OSBPL10: variants seen among roughly 807,000 people sequenced by gnomAD.
OSBPL10 encodes the protein oxysterol binding protein like 10, also known as oxysterol-binding protein-related protein 10.
Under a neutral mutation model 81.7 loss-of-function variants are expected in OSBPL10, and 49 were observed. That is an observed-to-expected ratio of 0.60 (90% CI 0.48 to 0.76). The LOEUF is 0.76. Ranked by LOEUF, OSBPL10 falls within the 30% of genes least tolerant of loss-of-function variation. The pLI is 0.00. For missense variants in OSBPL10, 923 were observed against 987.8 expected (o/e 0.93, Z 0.88); for synonymous variants, 419 against 383.6 (o/e 1.09, Z -1.08).
At chr3:31,974,346 T>G (rs1467489672) in intron 1 of OSBPL10, among the ~76,000 whole-genome samples, 1 of 152,198 alleles carries the variant, frequency 6.6e-6, no homozygotes, top group Non-Finnish European at 1.5e-5. Context: ...TGGAAAACTC[T>G]CTGCTAGTAT....
chr3:31,662,402 A>C (rs531786601), intron 11 of OSBPL10: 52 of 1,157,930 alleles, frequency 4.5e-5, no homozygotes, highest in Non-Finnish European at 5.0e-5. Flanking sequence ...CAAAAAAAAG[A>C]AGCACTTTGA....
chr3:32,028,662 G>C (rs1575088387), intron 2 of OSBPL10, among the ~76,000 whole-genome samples: 1 of 152,094 alleles, frequency 6.6e-6, no homozygotes, highest in Admixed American at 6.6e-5. Flanking sequence ...TCTTTAAGGA[G>C]TTTGGAAACT....
intron 1 of OSBPL10, among the ~76,000 whole-genome samples, chr3:31,955,205 C>T (rs899642206): frequency 2.0e-5 from 3 of 152,196 alleles, no homozygotes; most frequent in African/African-American, 7.2e-5. Flanking sequence ...AACAGTAATA[C>T]AGTAATAATT....
rs528073433 is a variant in OSBPL10 at position 31,663,436 on chromosome 3, TCA to T, written c.2250+641_2250+642del. ...ATTTTCATAATTTCCAATTCTGTTC[TCA>T]GAGTGCTTCCCAATCCCTCCACAAC... On this transcript the variant is annotated intron_variant, in intron 11 of 11. Transcript: ENST00000396556. 12 of 987,650 alleles carry T rather than the reference TCA, an allele frequency of 1.2e-5. No individual in the cohort carries two copies. The East Asian group carries it at 5.7e-4, about 47-fold the overall frequency. 61.2% of individuals were successfully genotyped at this position (987,650 alleles called of 1,614,324 possible).
At chr3:31,919,794 T>C (rs982411982) in intron 1 of OSBPL10, among the ~76,000 whole-genome samples, 1 of 152,212 alleles carries the variant, frequency 6.6e-6, no homozygotes, top group Non-Finnish European at 1.5e-5. Flanking sequence ...AAACAGGAAG[T>C]ACAACACAGG....
rs567040613 is a variant in OSBPL10 at position 31,733,160 on chromosome 3, TAAAAC to T, written c.1095+92_1095+96del. ...TTCCATTTTTTAATTTGTCTCCTCT[TAAAAC>T]AAAGAGATGAGCAAGTTACAAATAT... is the stretch of plus-strand genomic sequence containing the variant. On this transcript the variant is annotated intron_variant, in intron 6 of 11. Coordinates refer to ENST00000396556, the MANE Select transcript of OSBPL10 (RefSeq NM_017784.5). The T allele has an allele frequency of 7.7e-4, 1,175 of 1,522,716 alleles. 8 individuals carry two copies. In the African/African-American group the frequency reaches 0.015, roughly 19 times the overall value. The allele number at this position is 1,522,716 out of a possible 1,614,324, so 94.3% of individuals were successfully genotyped here.
chr3:31,689,279 C>A (rs1383770096), intron 7 of OSBPL10, among the ~76,000 whole-genome samples: 3 of 152,092 alleles, frequency 2.0e-5, no homozygotes, highest in African/African-American at 7.2e-5. Context: ...TGACCAAATG[C>A]AACATAATCT....
At chr3:31,725,907 G>T (rs1696794434) in intron 6 of OSBPL10, among the ~76,000 whole-genome samples, 1 of 152,182 alleles carries the variant, frequency 6.6e-6, no homozygotes, top group Non-Finnish European at 1.5e-5. Context: ...ATACTCTGGA[G>T]TTTCCAGAGA....
chr3:32,054,354 T>A (rs1701508392), intron 1 of OSBPL10, among the ~76,000 whole-genome samples: 1 of 152,142 alleles, frequency 6.6e-6, no homozygotes, highest in Admixed American at 6.6e-5. Context: ...AAATATGAAA[T>A]GGTATTTGAC....
At chr3:32,040,779 G>A (rs1267832424) in intron 2 of OSBPL10, among the ~76,000 whole-genome samples, 2 of 152,174 alleles carry the variant, frequency 1.3e-5, no homozygotes, top group Non-Finnish European at 2.9e-5. Flanking sequence ...CAAGGCTGCA[G>A]TGAGCTATAA....
intron 5 of OSBPL10, among the ~76,000 whole-genome samples, chr3:31,736,491 G>C (rs1697178424): frequency 6.6e-6 from 1 of 152,140 alleles, no homozygotes; most frequent in African/African-American, 2.4e-5. Context: ...CAGGATTCAA[G>C]ACACTAGAAT....
intron 2 of OSBPL10, among the ~76,000 whole-genome samples, chr3:32,027,813 G>C (rs771129340): frequency 6.6e-6 from 1 of 152,126 alleles, no homozygotes; most frequent in Non-Finnish European, 1.5e-5. Context: ...TTAGGGGCAG[G>C]GGTGTTCAGA....
chr3:31,961,047 C>CTTTTTTTTTTTTTTTTTTTTTTTT (rs35027814), intron 1 of OSBPL10, among the ~76,000 whole-genome samples: 1 of 113,024 alleles, frequency 8.8e-6, no homozygotes, highest in Non-Finnish European at 1.8e-5. Context: ...AAGCTACAGC[C>CTTTTTTTTTTTTTTTTTTTTTTTT]TTTTTTTTTT....
intron 4 of OSBPL10, among the ~76,000 whole-genome samples, chr3:31,767,872 G>A (rs1339290473): frequency 1.3e-5 from 2 of 152,162 alleles, no homozygotes; most frequent in African/African-American, 4.8e-5. Flanking sequence ...CAGCCTGGGA[G>A]GTCACATGGG....
chr3:31,872,450 TTG>T (rs1210214832), intron 3 of OSBPL10, among the ~76,000 whole-genome samples: 52 of 137,144 alleles, frequency 3.8e-4, no homozygotes, highest in African/African-American at 1.5e-3. Flanking sequence ...GTTTTTGTTG[TTG>T]TTTTTTTTTT....
chr3:31,990,373 G>A, intron 2 of OSBPL10: 3 of 1,614,040 alleles, frequency 1.9e-6, no homozygotes, highest in Non-Finnish European at 2.5e-6. Context: ...TAATAAATGT[G>A]GCAAATTTTT....
intron 1 of OSBPL10, among the ~76,000 whole-genome samples, chr3:31,945,884 G>A (rs975736000): frequency 6.6e-6 from 1 of 152,048 alleles, no homozygotes; most frequent in Admixed American, 6.5e-5. Flanking sequence ...ATCCTATTAT[G>A]ACTAAAAAAA....
At chr3:32,052,874 A>C (rs1437936411) in intron 1 of OSBPL10, among the ~76,000 whole-genome samples, 1 of 152,176 alleles carries the variant, frequency 6.6e-6, no homozygotes, top group Non-Finnish European at 1.5e-5. Context: ...AACCTAGATG[A>C]TGGGTTGATA....
chr3:31,689,736 T>C lies in OSBPL10; in HGVS notation c.1246-5622A>G, dbSNP rs565471703. Among the ~76,000 whole-genome samples the C allele has an allele frequency of 5.3e-5, 8 of 152,302 alleles. No individual in the cohort carries two copies. The East Asian group carries it at 1.4e-3, about 26-fold the overall frequency. On this transcript the variant is annotated intron_variant, in intron 7 of 11. Transcript: ENST00000396556. Reference sequence around the variant, plus strand: ...AAACAAGCTCTCTCTCTTTGCCTGCTGCCATCCATGTAAAACATGACTTGC... The same window carrying C: ...AAACAAGCTCTCTCTCTTTGCCTGCCGCCATCCATGTAAAACATGACTTGC...
Sources: allele counts gnomAD v4.1 joint callset (sites outside exome capture counted in the v4.1 genomes callset), GRCh38; gene constraint gnomAD v4.1.1; transcripts MANE v1.5; gene names NCBI Gene and HGNC (gene_info 2026-07-23, HGNC 2026-07-21).